Variants in MAD1L1 observed in about 807,000 individuals in gnomAD.
MAD1L1 encodes the protein mitotic spindle assembly checkpoint protein MAD1.
A neutral mutation model predicts 96.9 loss-of-function variants in MAD1L1; 95 were observed. The observed-to-expected ratio is 0.98, with a 90% CI of 0.83 to 1.16. The LOEUF is 1.16. Ranked by LOEUF, MAD1L1 falls within the 50% of genes most tolerant of loss-of-function variation. The probability of loss-of-function intolerance (pLI) is 0.00; values close to 1 mark genes in which losing one functional copy is unlikely to be tolerated. For synonymous variants in MAD1L1, 473 were observed against 396.6 expected, an observed-to-expected ratio of 1.19 and a Z score of -2.29; for missense variants, 1,007 against 954.4, an observed-to-expected ratio of 1.06 and a Z score of -0.73.
At chr7:2,038,433 T>C (rs912617042) in intron 12 of MAD1L1, among the ~76,000 whole-genome samples, 2 of 149,966 alleles carry the variant, frequency 1.3e-5, no homozygotes, top group African/African-American at 2.4e-5. Context: ...AGAGGAGAAG[T>C]CGATCCCTGC....
chr7:2,107,509 G>C (rs1340819622), intron 11 of MAD1L1: 1 of 152,462 alleles, frequency 6.6e-6, no homozygotes, highest in South Asian at 2.1e-4. Context: ...TGCCACTGCC[G>C]CGCTTCCAGT....
At chr7:2,151,482 C>A (rs996913554) in intron 10 of MAD1L1, among the ~76,000 whole-genome samples, 2 of 152,226 alleles carry the variant, frequency 1.3e-5, no homozygotes, top group Admixed American at 6.5e-5. Flanking sequence ...AGGGTTCTCC[C>A]AGCTGGGATG....
intron 12 of MAD1L1, among the ~76,000 whole-genome samples, chr7:2,054,115 G>A (rs2128519506): frequency 6.6e-6 from 1 of 152,344 alleles, no homozygotes; most frequent in East Asian, 1.9e-4. Flanking sequence ...ACAGTGCTGT[G>A]GCCATCTCCT....
chr7:2,191,139 A>T (rs949996881), intron 10 of MAD1L1, among the ~76,000 whole-genome samples: 7 of 152,238 alleles, frequency 4.6e-5, no homozygotes, highest in Non-Finnish European at 8.8e-5. Flanking sequence ...TTCAGAAAAC[A>T]TTCTGCCAGT....
intron 5 of MAD1L1, chr7:2,220,933 G>T (rs773758748): frequency 6.2e-7 from 1 of 1,612,328 alleles, no homozygotes; most frequent in Admixed American, 1.7e-5. Context: ...CCTGCCCACA[G>T]GGTCACCCGT....
At chr7:2,117,948 C>A (rs1234913117) in intron 11 of MAD1L1, among the ~76,000 whole-genome samples, 2 of 152,230 alleles carry the variant, frequency 1.3e-5, no homozygotes, top group Non-Finnish European at 2.9e-5. Context: ...CACTCAGCAT[C>A]CCTGGCCCCA....
chr7:2,064,809 GGACAGCGGCTTCTCCCA>G (rs1784809858), intron 12 of MAD1L1, among the ~76,000 whole-genome samples: 1 of 67,218 alleles, frequency 1.5e-5, no homozygotes, highest in South Asian at 7.0e-4. Flanking sequence ...GCTTCTCCCA[GGACAGCGGCTTCTCCCA>G]GGACAGCGGC....
At chr7:1,973,314 G>T (rs528023330) in intron 15 of MAD1L1, among the ~76,000 whole-genome samples, 6 of 152,312 alleles carry the variant, frequency 3.9e-5, no homozygotes, top group African/African-American at 1.4e-4. Context: ...ATCTAGGAGT[G>T]CCAGACCTGG....
intron 11 of MAD1L1, among the ~76,000 whole-genome samples, chr7:2,127,748 T>G (rs3778986): frequency 0.073 from 11,162 of 151,878 alleles, 464 homozygotes; most frequent in South Asian, 0.12. Context: ...ACCCCTGCAC[T>G]CCGGGAAACG....
At chr7:1,831,054 T>G (rs1377963597) in intron 18 of MAD1L1, among the ~76,000 whole-genome samples, 1 of 152,296 alleles carries the variant, frequency 6.6e-6, no homozygotes, top group Non-Finnish European at 1.5e-5. Context: ...AGATACAGCG[T>G]GCTCACAGAA....
intron 14 of MAD1L1, among the ~76,000 whole-genome samples, chr7:1,992,623 T>A (rs761747083): frequency 6.6e-6 from 1 of 152,178 alleles, no homozygotes; most frequent in African/African-American, 2.4e-5. Context: ...TTTTAGGACA[T>A]CTGAGGCCAC....
At chr7:1,853,910 G>A (rs1399765523) in intron 18 of MAD1L1, among the ~76,000 whole-genome samples, 1 of 152,186 alleles carries the variant, frequency 6.6e-6, no homozygotes, top group Admixed American at 6.5e-5. Context: ...AGAAAGTCCT[G>A]TCAGGAGCCA....
intron 18 of MAD1L1, chr7:1,846,974 C>T: frequency 3.1e-6 from 1 of 326,724 alleles, no homozygotes; most frequent in Non-Finnish European, 5.9e-6. Context: ...TCGCCTCCTG[C>T]TGATGGCTCC....
chr7:1,980,866 C>T (rs1476840183), intron 14 of MAD1L1: 2 of 436,038 alleles, frequency 4.6e-6, no homozygotes, highest in Non-Finnish European at 4.5e-6. Flanking sequence ...CCAACGCTGC[C>T]GTCGGTTTGG....
At chr7:1,876,567 G>A (rs1785396341) in intron 18 of MAD1L1, among the ~76,000 whole-genome samples, 1 of 152,112 alleles carries the variant, frequency 6.6e-6, no homozygotes, top group African/African-American at 2.4e-5. Flanking sequence ...CAGGAAGGGG[G>A]AAGAGGGTGG....
chr7:2,102,523 C>T (rs1786860984), intron 11 of MAD1L1, among the ~76,000 whole-genome samples: 1 of 150,524 alleles, frequency 6.6e-6, no homozygotes, highest in Admixed American at 6.6e-5. Context: ...CCACCATTCT[C>T]ACGTCACCAT....
intron 10 of MAD1L1, among the ~76,000 whole-genome samples, chr7:2,168,031 T>C (rs1033001844): frequency 6.6e-6 from 1 of 152,218 alleles, no homozygotes; most frequent in African/African-American, 2.4e-5. Flanking sequence ...ACGCCTGTAA[T>C]CCCAGCACTT....
chr7:1,816,339 G>C, intron 18 of MAD1L1, 111 bp from the exon 19 acceptor site: 1 of 1,099,678 alleles, frequency 9.1e-7, no homozygotes, highest in Non-Finnish European at 1.3e-6. Context: ...CTCAGTCTGA[G>C]GACCTGGACA....
chr7:1,905,873 AACC>A (rs1446923773), intron 17 of MAD1L1, among the ~76,000 whole-genome samples: 2 of 152,080 alleles, frequency 1.3e-5, no homozygotes, highest in African/African-American at 4.8e-5. Context: ...AACATGGTGA[AACC>A]CTGTCTCTAC....
Sources: allele counts gnomAD v4.1 joint callset (sites outside exome capture counted in the v4.1 genomes callset), GRCh38; gene constraint gnomAD v4.1.1; transcripts MANE v1.5; gene names NCBI Gene and HGNC (gene_info 2026-07-23, HGNC 2026-07-21).